Variants in PHC3 observed in about 807,000 individuals in gnomAD.
PHC3 encodes polyhomeotic-like protein 3.
A neutral mutation model predicts 107.4 loss-of-function variants in PHC3; 13 were observed. That is an observed-to-expected ratio of 0.12 (90% CI 0.08 to 0.19). The LOEUF (loss-of-function observed/expected upper bound fraction) is 0.19. Ranked by LOEUF, PHC3 falls within the 10% of genes least tolerant of loss-of-function variation. The probability of loss-of-function intolerance (pLI) is 1.00; values close to 1 mark genes in which losing one functional copy is unlikely to be tolerated. For synonymous variants in PHC3, 456 were observed against 427.4 expected, an observed-to-expected ratio of 1.07 and a Z score of -0.83; for missense variants, 992 against 1,210.9, an observed-to-expected ratio of 0.82 and a Z score of 2.68.
At chr3:170,110,452 C>T (rs577713092) in intron 11 of PHC3, among the ~76,000 whole-genome samples, 11 of 152,286 alleles carry the variant, frequency 7.2e-5, no homozygotes, top group Non-Finnish European at 1.6e-4. Flanking sequence ...AATGTTCTCG[C>T]TGTTTATCCT....
intron 4 of PHC3, among the ~76,000 whole-genome samples, chr3:170,164,341 A>G (rs959526959): frequency 6.6e-6 from 1 of 152,196 alleles, no homozygotes; most frequent in African/African-American, 2.4e-5. Flanking sequence ...CAGTTTGTTC[A>G]ATTTTATTTA....
intron 4 of PHC3, among the ~76,000 whole-genome samples, chr3:170,166,293 C>T (rs1041208857): frequency 3.3e-5 from 5 of 152,116 alleles, no homozygotes; most frequent in African/African-American, 1.2e-4. Context: ...ATCTACCTAC[C>T]TCAGCCTCCC....
intron 11 of PHC3, among the ~76,000 whole-genome samples, chr3:170,112,468 C>T (rs953240833): frequency 1.4e-4 from 21 of 150,912 alleles, no homozygotes; most frequent in Non-Finnish European, 2.5e-4. Flanking sequence ...TGTGATCCAC[C>T]CACCTCAGCC....
At position 170,093,888 on chromosome 3, in the gene PHC3, G is replaced by A. The variant is rs1387434818; in HGVS notation, c.*3342C>T. The stretch of plus-strand genomic sequence containing the variant: ...AAATCAACTGGGATCCCTAATGAAA[G>A]AAAATTATTTCTTCTAAGTAAAACA... On this transcript the variant is annotated 3_prime_UTR_variant, in exon 15 of 15. Transcript: ENST00000495893. The A allele has an allele frequency of 6.6e-6, 1 of 152,124 alleles. No individual in the cohort carries two copies. The highest frequency in any genetic ancestry group is 6.6e-5 in the Admixed American group (1 of 15,266). The allele number at this position is 152,124 out of a possible 1,614,324, so 9.4% of individuals were successfully genotyped here.
chr3:170,101,459 C>A (rs1403415690), intron 14 of PHC3, among the ~76,000 whole-genome samples: 2 of 152,080 alleles, frequency 1.3e-5, no homozygotes, highest in Admixed American at 6.6e-5. Flanking sequence ...GCAACAACAG[C>A]TGATTAATTA....
chr3:170,117,508 T>A (rs567635557), intron 9 of PHC3, 32 bp from the exon 10 acceptor site: 25 of 1,577,264 alleles, frequency 1.6e-5, no homozygotes, highest in East Asian at 1.6e-4. Context: ...CATTTAAAAA[T>A]TTTTTTAGCA....
intron 7 of PHC3, among the ~76,000 whole-genome samples, chr3:170,133,299 C>T (rs1441396035): frequency 1.3e-5 from 2 of 152,014 alleles, no homozygotes; most frequent in Non-Finnish European, 2.9e-5. Flanking sequence ...CTGCCTCAGC[C>T]TCCAGAGTAG....
intron 7 of PHC3, among the ~76,000 whole-genome samples, chr3:170,134,037 C>A (rs562265941): frequency 5.3e-5 from 8 of 152,028 alleles, no homozygotes; most frequent in Non-Finnish European, 8.8e-5. Flanking sequence ...CATTGCTCCA[C>A]ACTGTCAAAA....
At chr3:170,178,000 G>C (rs1730762441) in intron 2 of PHC3, among the ~76,000 whole-genome samples, 1 of 152,016 alleles carries the variant, frequency 6.6e-6, no homozygotes, top group Admixed American at 6.6e-5. Context: ...AACTTTGTTG[G>C]CTGTTGCTGT....
chr3:170,111,821 C>T (rs1476336358), intron 11 of PHC3, among the ~76,000 whole-genome samples: 1 of 152,108 alleles, frequency 6.6e-6, no homozygotes, highest in Non-Finnish European at 1.5e-5. Flanking sequence ...AAGACAGTAT[C>T]TAGTTTGCTT....
chr3:170,102,068 GTC>G (rs1389283889), intron 14 of PHC3: 1 of 867,538 alleles, frequency 1.2e-6, no homozygotes, highest in Non-Finnish European at 1.4e-6. Context: ...AAAGAAAAAA[GTC>G]TCTCTTACTT....
At chr3:170,104,709 G>A (rs1444990756) in intron 12 of PHC3, among the ~76,000 whole-genome samples, 10 of 152,030 alleles carry the variant, frequency 6.6e-5, no homozygotes, top group Non-Finnish European at 1.0e-4. Context: ...ATCAAGAGGT[G>A]GAAATAAAAA....
Position 170,091,370 on chromosome 3 carries a change from T to G in PHC3, c.*5860A>C, listed in dbSNP as rs376070175. ...CAAATTTTGTTTTCTTTCTATGGAT[T>G]CATACTGAACACCACCAGTATCACT... On this transcript the variant is annotated 3_prime_UTR_variant, in exon 15 of 15. Transcript: ENST00000495893. 16 of 152,340 alleles carry G rather than the reference T, an allele frequency of 1.1e-4. No homozygotes were observed. In the East Asian group the frequency reaches 1.3e-3, roughly 13 times the overall value. The allele number at this position is 152,340 out of a possible 1,614,324, so 9.4% of individuals were successfully genotyped here.
chr3:170,118,723 A>G (rs1431911484), intron 9 of PHC3, among the ~76,000 whole-genome samples: 1 of 151,920 alleles, frequency 6.6e-6, no homozygotes, highest in African/African-American at 2.4e-5. Context: ...CTGCCTGGAT[A>G]AATTTTTTTA....
At chr3:170,102,114 G>T (rs1437411517) in intron 14 of PHC3, 3 of 970,026 alleles carry the variant, frequency 3.1e-6, no homozygotes, top group Non-Finnish European at 3.7e-6. Context: ...GAAATAAGGA[G>T]GAATAGAATA....
chr3:170,171,685 G>A (rs1221645104), intron 3 of PHC3, among the ~76,000 whole-genome samples: 1 of 152,128 alleles, frequency 6.6e-6, no homozygotes, highest in Non-Finnish European at 1.5e-5. Context: ...CTACTTTATT[G>A]TCAGTTTCAC....
intron 8 of PHC3, among the ~76,000 whole-genome samples, chr3:170,123,845 T>C (rs886119910): frequency 1.3e-5 from 2 of 151,780 alleles, no homozygotes; most frequent in African/African-American, 4.8e-5. Flanking sequence ...AGGAGCTATG[T>C]AACTAGAAAT....
Position 170,123,362 on chromosome 3 carries a change from C to CACACACACACACAT in PHC3, c.1789-619_1789-618insATGTGTGTGTGTGT, listed in dbSNP as rs1553787178. ...TATCTTTCCTTGAAATGCATACACA[C>CACACACACACACAT]ACACACACACACAGCCTAAGCTCTT... On this transcript the variant is annotated intron_variant, in intron 8 of 14. Transcript: ENST00000495893. Among the ~76,000 whole-genome samples the CACACACACACACAT allele has an allele frequency of 2.0e-3, 297 of 151,912 alleles. 1 individual carries two copies. Among genetic ancestry groups the CACACACACACACAT allele is most frequent in the Non-Finnish European group, 2.5e-3 (173 of 67,944 alleles).
chr3:170,169,228 C>CT (rs1218758924), intron 4 of PHC3, among the ~76,000 whole-genome samples: 1 of 152,178 alleles, frequency 6.6e-6, no homozygotes, highest in Non-Finnish European at 1.5e-5. Context: ...TAAGCCCCAA[C>CT]TACCTAGCTG....
Sources: gnomAD v4.1 joint callset for allele counts (sites outside exome capture counted in the v4.1 genomes callset) on GRCh38, gnomAD v4.1.1 for gene constraint, MANE v1.5 for transcripts, NCBI Gene and HGNC (gene_info 2026-07-23, HGNC 2026-07-21) for gene names.